The following GRID1 variants were observed in gnomAD, a reference collection of about 807,000 sequenced individuals.
GRID1 encodes the protein glutamate receptor ionotropic, delta-1.
GRID1 carries 28 observed loss-of-function variants against 98.0 expected under a neutral mutation model. That is an observed-to-expected ratio of 0.29 (90% CI 0.21 to 0.39). The LOEUF (loss-of-function observed/expected upper bound fraction) is 0.39. GRID1 is among the 10% of genes least tolerant of loss of function. The probability of loss-of-function intolerance (pLI) is 1.00; values close to 1 mark genes in which losing one functional copy is unlikely to be tolerated. For synonymous variants in GRID1, 553 were observed against 538.5 expected (o/e 1.03, Z -0.37); for missense variants, 1,111 against 1,340.5 (o/e 0.83, Z 2.67).
intron 12 of GRID1, among the ~76,000 whole-genome samples, chr10:85,671,850 A>T (rs1841089418): frequency 6.6e-6 from 1 of 152,238 alleles, no homozygotes; most frequent in Admixed American, 6.5e-5. Context: ...TGATATGGAG[A>T]AAGTTTTAGT....
At chr10:85,943,576 C>G (rs1842020435) in intron 4 of GRID1, among the ~76,000 whole-genome samples, 1 of 152,152 alleles carries the variant, frequency 6.6e-6, no homozygotes, top group Non-Finnish European at 1.5e-5. Context: ...CTACCCCCAC[C>G]TATACCAAAA....
intron 2 of GRID1, among the ~76,000 whole-genome samples, chr10:86,222,690 A>C (rs1846276163): frequency 6.6e-6 from 1 of 152,202 alleles, no homozygotes; most frequent in South Asian, 2.1e-4. Context: ...GATCAGATCC[A>C]AGACCTCTGA....
intron 4 of GRID1, among the ~76,000 whole-genome samples, chr10:85,937,647 G>A (rs931803264): frequency 1.3e-5 from 2 of 152,154 alleles, no homozygotes; most frequent in African/African-American, 2.4e-5. Context: ...TAACCCCAAT[G>A]CCTAACCCCA....
chr10:85,733,720 C>G (rs1039338394), intron 8 of GRID1, among the ~76,000 whole-genome samples: 4 of 152,114 alleles, frequency 2.6e-5, no homozygotes, highest in African/African-American at 4.8e-5. Context: ...AACTTTGAAA[C>G]AGTCTATTAT....
chr10:86,042,246 G>C (rs558596324), intron 4 of GRID1, among the ~76,000 whole-genome samples: 4 of 152,218 alleles, frequency 2.6e-5, no homozygotes, highest in African/African-American at 4.8e-5. Context: ...AGGTTTTTCT[G>C]TGTCCCTGGG....
At chr10:86,230,666 T>C (rs1318326896) in intron 2 of GRID1, among the ~76,000 whole-genome samples, 2 of 152,220 alleles carry the variant, frequency 1.3e-5, no homozygotes, top group African/African-American at 2.4e-5. Flanking sequence ...GTTTCCTCTA[T>C]GTGCATAAGT....
intron 2 of GRID1, among the ~76,000 whole-genome samples, chr10:86,226,779 C>T (rs1846357452): frequency 6.6e-6 from 1 of 150,904 alleles, no homozygotes; most frequent in Admixed American, 6.6e-5. Flanking sequence ...AGCAGAGAGG[C>T]AGCCAGGCCT....
chr10:86,091,009 C>T (rs1844138769), intron 4 of GRID1, among the ~76,000 whole-genome samples: 1 of 152,184 alleles, frequency 6.6e-6, no homozygotes, highest in Admixed American at 6.5e-5. Context: ...CCTAGTAGCC[C>T]ATTCCTTCCT....
rs187025427 is a variant in GRID1, at chr10:86,122,058, G to T, written c.726+16761C>A. Among the ~76,000 whole-genome samples, 17 of 152,330 alleles carry T rather than the reference G, an allele frequency of 1.1e-4. No individual in the cohort carries two copies. The East Asian group carries it at 3.1e-3, about 28-fold the overall frequency. ...AGTGACAACAGCCTGGCTGTGGACA[G>T]AGTGACAGACCTAAGGGCAACCTGT... On this transcript the variant is annotated intron_variant, in intron 4 of 15. Coordinates refer to ENST00000327946, the MANE Select transcript of GRID1 (RefSeq NM_017551.3).
In GRID1 at chr10:85,643,288, A is replaced by G. The variant is rs575580860; in HGVS notation, c.2193+3914T>C. On this transcript the variant is annotated intron_variant, in intron 13 of 15. Transcript: ENST00000327946. ...TCCTCACCTTTGCCAGGCTGCCTAC[A>G]CTGCATGGCAGCAGACTCTGTTTGG... Among the ~76,000 whole-genome samples, 6 of 152,242 alleles carry G rather than the reference A, an allele frequency of 3.9e-5. No individual in the cohort carries two copies. In the South Asian group the frequency reaches 1.0e-3, roughly 26 times the overall value.
At chr10:86,168,738 A>G (rs1316825206) in intron 3 of GRID1, among the ~76,000 whole-genome samples, 1 of 152,190 alleles carries the variant, frequency 6.6e-6, no homozygotes, top group East Asian at 1.9e-4. Flanking sequence ...CCAGTCACAT[A>G]CTCAAAGACC....
intron 8 of GRID1, among the ~76,000 whole-genome samples, chr10:85,767,521 A>T (rs928461259): frequency 6.6e-6 from 1 of 152,234 alleles, no homozygotes; most frequent in African/African-American, 2.4e-5. Context: ...TTAAATGAAT[A>T]GATAGACAAA....
intron 2 of GRID1, among the ~76,000 whole-genome samples, chr10:86,244,737 CA>C (rs1846694376): frequency 6.6e-6 from 1 of 152,218 alleles, no homozygotes; most frequent in Non-Finnish European, 1.5e-5. Context: ...AAGAAATAGC[CA>C]AAGTGAGAGG....
At chr10:85,671,288 A>G (rs1841081981) in intron 12 of GRID1, among the ~76,000 whole-genome samples, 1 of 152,232 alleles carries the variant, frequency 6.6e-6, no homozygotes, top group African/African-American at 2.4e-5. Context: ...TGTGTCAAGC[A>G]AGTCTATCAG....
At chr10:85,751,802 A>T (rs555324093) in intron 8 of GRID1, among the ~76,000 whole-genome samples, 1 of 152,310 alleles carries the variant, frequency 6.6e-6, no homozygotes, top group East Asian at 1.9e-4. Flanking sequence ...TTTATTTAAA[A>T]TTTAATGCAT....
chr10:86,298,496 C>T (rs1589441312), intron 2 of GRID1, among the ~76,000 whole-genome samples: 1 of 133,238 alleles, frequency 7.5e-6, no homozygotes, highest in South Asian at 2.2e-4. Flanking sequence ...TCCAGAACCC[C>T]TGTGCTGGGG....
At chr10:85,752,990 C>T (rs747178130) in intron 8 of GRID1, among the ~76,000 whole-genome samples, 3 of 152,140 alleles carry the variant, frequency 2.0e-5, no homozygotes, top group Non-Finnish European at 4.4e-5. Flanking sequence ...TTCTGAAATC[C>T]TACTTTTCCC....
intron 12 of GRID1, among the ~76,000 whole-genome samples, chr10:85,692,797 A>G (rs1332560817): frequency 6.6e-6 from 1 of 152,154 alleles, no homozygotes; most frequent in Non-Finnish European, 1.5e-5. Flanking sequence ...AATAAACAAA[A>G]CTGAATCCTG....
At chr10:85,622,914 G>A (rs1842873560) in intron 13 of GRID1, among the ~76,000 whole-genome samples, 1 of 152,184 alleles carries the variant, frequency 6.6e-6, no homozygotes. Context: ...TGACTTCAGT[G>A]CCTCCAAGAA....
Sources: gnomAD v4.1 joint callset for allele counts (sites outside exome capture counted in the v4.1 genomes callset) on GRCh38, gnomAD v4.1.1 for gene constraint, MANE v1.5 for transcripts, NCBI Gene and HGNC (gene_info 2026-07-23, HGNC 2026-07-21) for gene names.